Variants in ZSCAN5A observed in about 807,000 individuals in gnomAD.
The protein encoded by ZSCAN5A is zinc finger and SCAN domain-containing protein 5A.
In ZSCAN5A, 12 loss-of-function variants were observed where a neutral mutation model predicts 23.7. That is an observed-to-expected ratio of 0.51 (90% CI 0.32 to 0.82). The LOEUF (loss-of-function observed/expected upper bound fraction) is 0.82, where lower values mean the gene tolerates loss of function less well. Among genes scored for constraint, ZSCAN5A ranks in the 40% least tolerant of loss-of-function variants. The pLI, the probability that ZSCAN5A is intolerant of heterozygous loss-of-function variation, is 0.03. For missense variants in ZSCAN5A, 597 were observed against 617.9 expected (o/e 0.97, Z 0.36); for synonymous variants, 257 against 239.9 (o/e 1.07, Z -0.66).
intron 2 of ZSCAN5A, among the ~76,000 whole-genome samples, chr19:56,350,107 T>C (rs1411170800): frequency 1.3e-5 from 2 of 152,262 alleles, no homozygotes; most frequent in African/African-American, 4.8e-5. Context: ...ATTGCTGTAA[T>C]ATTTTGCCAG....
chr19:56,276,680 G>C (rs1200309130), intron 2 of ZSCAN5A, among the ~76,000 whole-genome samples: 1 of 151,974 alleles, frequency 6.6e-6, no homozygotes, highest in Non-Finnish European at 1.5e-5. Flanking sequence ...GGGACTACAG[G>C]CTGCGCGCCA....
chr19:56,356,553 G>A (rs1329631989), intron 2 of ZSCAN5A, among the ~76,000 whole-genome samples: 2 of 147,858 alleles, frequency 1.4e-5, no homozygotes, highest in Non-Finnish European at 3.0e-5. Context: ...CTTCTACTAC[G>A]GGGTGGGGAC....
intron 1 of ZSCAN5A, among the ~76,000 whole-genome samples, chr19:56,363,608 G>A (rs1289947211): frequency 1.3e-5 from 2 of 152,200 alleles, no homozygotes; most frequent in African/African-American, 4.8e-5. Flanking sequence ...CCTGGCTGCT[G>A]AGGTGTCAGA....
chr19:56,276,575 C>T (rs1320936444), intron 2 of ZSCAN5A, among the ~76,000 whole-genome samples: 3 of 150,114 alleles, frequency 2.0e-5, no homozygotes, highest in Non-Finnish European at 3.0e-5. Flanking sequence ...CTCGCTCTGT[C>T]GCCCAGGCTG....
At position 56,255,313 on chromosome 19, in the gene ZSCAN5A, T is replaced by C. The variant is rs1482866945; in HGVS notation, c.-127-30140A>G. ...TCAATATTGAGCAAAGCGTGGACAA[T>C]AGCCGGCTGAGCGCACAAGGTGGGG... On this transcript the variant is annotated intron_variant, in intron 2 of 5. Coordinates refer to ENST00000683990, the MANE Select transcript of ZSCAN5A (RefSeq NM_001322064.3). Among the ~76,000 whole-genome samples the C allele has an allele frequency of 3.3e-5, 5 of 152,164 alleles. No individual in the cohort carries two copies. In the East Asian group the frequency reaches 9.6e-4, roughly 29 times the overall value.
intron 2 of ZSCAN5A, among the ~76,000 whole-genome samples, chr19:56,335,575 C>T (rs1038185982): frequency 1.3e-5 from 2 of 152,154 alleles, no homozygotes; most frequent in Non-Finnish European, 2.9e-5. Flanking sequence ...GAGCATTTAG[C>T]CCATTTACAT....
At chr19:56,330,743 G>A (rs2041481416) in intron 2 of ZSCAN5A, among the ~76,000 whole-genome samples, 1 of 151,878 alleles carries the variant, frequency 6.6e-6, no homozygotes, top group Non-Finnish European at 1.5e-5. Flanking sequence ...CTTTTTTGAT[G>A]CAGTTTTTGA....
At chr19:56,261,938 C>T (rs1437616413) in intron 2 of ZSCAN5A, among the ~76,000 whole-genome samples, 1 of 152,136 alleles carries the variant, frequency 6.6e-6, no homozygotes, top group Non-Finnish European at 1.5e-5. Flanking sequence ...ATAACTATGA[C>T]CCAGATAAGA....
At chr19:56,317,971 A>G (rs2041334954), upstream of ZSCAN5A, 1 of 152,234 alleles carries the variant, frequency 6.6e-6, no homozygotes, top group Admixed American at 6.5e-5. Flanking sequence ...TTGGATAATG[A>G]TATTCAGGAC....
intron 2 of ZSCAN5A, chr19:56,284,210 A>G (rs1397750765): frequency 1.0e-6 from 1 of 985,006 alleles, no homozygotes; most frequent in Admixed American, 6.1e-5. Flanking sequence ...ATCATAGGTA[A>G]GTACCTTGCC....
At chr19:56,252,744 T>G (rs1197225839) in intron 2 of ZSCAN5A, among the ~76,000 whole-genome samples, 2 of 152,208 alleles carry the variant, frequency 1.3e-5, no homozygotes, top group African/African-American at 2.4e-5. Context: ...GGGTGAGGCC[T>G]CTGGTTGGGC....
chr19:56,232,023 TGTTGCCCAG>T (rs2034520211), intron 2 of ZSCAN5A, among the ~76,000 whole-genome samples: 1 of 122,794 alleles, frequency 8.1e-6, no homozygotes, highest in Non-Finnish European at 1.8e-5. Flanking sequence ...TGTCTTGCTC[TGTTGCCCAG>T]GCTGCAGTGC....
intron 2 of ZSCAN5A, 88 bp from the exon 3 acceptor site, chr19:56,225,261 C>T: frequency 1.6e-6 from 2 of 1,252,458 alleles, no homozygotes; most frequent in South Asian, 1.9e-5. Context: ...GATGCCACTT[C>T]TTCAGCAGCA....
chr19:56,303,472 A>T (rs1196824218), intron 2 of ZSCAN5A, among the ~76,000 whole-genome samples: 1 of 151,634 alleles, frequency 6.6e-6, no homozygotes, highest in Non-Finnish European at 1.5e-5. Context: ...TGTCTCAAAA[A>T]ATTAAAGTAA....
chr19:56,276,514 T>C (rs1036967413), intron 2 of ZSCAN5A, among the ~76,000 whole-genome samples: 1 of 149,104 alleles, frequency 6.7e-6, no homozygotes, highest in African/African-American at 2.4e-5. Context: ...CTCTTTTTTT[T>C]TTTTTCCAGT....
Position 56,241,164 on chromosome 19 carries a change from C to T in ZSCAN5A, c.-127-15991G>A, listed in dbSNP as rs150768439. Among the ~76,000 whole-genome samples, 302 of 152,370 alleles carry T rather than the reference C, an allele frequency of 2.0e-3. 2 individuals are homozygous for T. Among genetic ancestry groups the T allele is most frequent in the African/African-American group, 6.5e-3 (271 of 41,588 alleles). On this transcript the variant is annotated intron_variant, in intron 2 of 5. Coordinates refer to ENST00000683990, the MANE Select transcript of ZSCAN5A (RefSeq NM_001322064.3). Reference sequence around the variant, plus strand: ...TGCTATATACTCCCAGAATTGAATACTAACCCGCATACCTGCCTTTATTTT... The same window carrying T: ...TGCTATATACTCCCAGAATTGAATATTAACCCGCATACCTGCCTTTATTTT...
At chr19:56,279,316 A>G (rs1044119652) in intron 2 of ZSCAN5A, among the ~76,000 whole-genome samples, 4 of 152,142 alleles carry the variant, frequency 2.6e-5, no homozygotes, top group African/African-American at 4.8e-5. Flanking sequence ...GCAAGACTGT[A>G]AGTTCCTAGA....
rs759123388 is a variant in ZSCAN5A, at chr19:56,222,084, C to T, written c.982G>A (p.Ala328Thr). The part of the protein sequence containing the change: ...PVGNRESPGQ[A>T]GMNSIHSPGP... The stretch of plus-strand genomic sequence containing the variant: ...GGGGAATGAATTGAATTCATCCCAG[C>T]TTGTCCCGGGGATTCTCTGTTGCCC... Residue 328 changes from alanine (A) to threonine (T), a missense_variant, in exon 6 of 6, where the codon GCT becomes ACT. Around this residue, in one of 5 missense-constraint regions of ZSCAN5A, gnomAD observed 406 missense variants for 353.2 expected, o/e 1.15. Coordinates refer to ENST00000683990, the MANE Select transcript of ZSCAN5A (RefSeq NM_001322064.3). The T allele has an allele frequency of 1.2e-6, 2 of 1,614,062 alleles. No individual in the cohort carries two copies. Among genetic ancestry groups the T allele is most frequent in the African/African-American group, 2.7e-5 (2 of 74,918 alleles).
At chr19:56,236,065 AGCCTCTG>A (rs1265910028) in intron 2 of ZSCAN5A, among the ~76,000 whole-genome samples, 2 of 81,324 alleles carry the variant, frequency 2.5e-5, no homozygotes, top group Non-Finnish European at 2.5e-5. Flanking sequence ...CCTCCACTCC[AGCCTCTG>A]ATGGACGGTG....
Sources: gnomAD v4.1 joint callset for allele counts (sites outside exome capture counted in the v4.1 genomes callset) on GRCh38, gnomAD v4.1.1 for gene constraint, gnomAD v4.1.1 regional missense constraint, MANE v1.5 for transcripts, NCBI Gene and HGNC (gene_info 2026-07-23, HGNC 2026-07-21) for gene names.